Variants in PEX13 observed in about 807,000 individuals in gnomAD.
PEX13 encodes peroxisomal biogenesis factor 13.
PEX13 carries 28 observed loss-of-function variants against 34.5 expected under a neutral mutation model. That is an observed-to-expected ratio of 0.81 (90% confidence interval 0.60 to 1.11). The LOEUF is 1.11. PEX13 is among the 50% of genes most tolerant of loss of function. PEX13 has a pLI of 0.00. For missense variants in PEX13, 550 were observed against 491.0 expected (o/e 1.12, Z -1.13); for synonymous variants, 177 against 175.1 (o/e 1.01, Z -0.09).
intron 3 of PEX13, 60 bp downstream of exon 3, chr2:61,045,911 T>G (rs924740470): frequency 2.8e-5 from 37 of 1,328,692 alleles, no homozygotes; most frequent in Non-Finnish European, 3.8e-5. Context: ...AAATGCAGTA[T>G]TAAAAACTAC....
chr2:61,023,188 A>G (rs1680292679), intron 1 of PEX13, among the ~76,000 whole-genome samples: 2 of 152,024 alleles, frequency 1.3e-5, no homozygotes, highest in South Asian at 2.1e-4. Context: ...TATTTTTAGT[A>G]GAGATGGAGT....
In PEX13 at chr2:61,051,986, C is replaced by G. The variant is rs780132052; in HGVS notation, c.*3216C>G. The stretch of plus-strand genomic sequence containing the variant: ...ACTGGAGAAATAAAAATATGTTAAA[C>G]TTGATTGACTTTTTAAGATAAATTG... On this transcript the variant is annotated 3_prime_UTR_variant, in exon 4 of 4. Transcript: ENST00000295030. 1.3e-5 allele frequency: 2 copies of G among 152,208 alleles called. No homozygotes were observed. Among genetic ancestry groups the G allele is most frequent in the Non-Finnish European group, 2.9e-5 (2 of 68,018 alleles). The allele number at this position is 152,208 out of a possible 1,614,324, so 9.4% of individuals were successfully genotyped here.
rs1360668436 is a variant in PEX13, at chr2:61,050,559, T to C, written c.*1789T>C. 1 of 152,340 alleles carries C rather than the reference T, an allele frequency of 6.6e-6. No individual in the cohort carries two copies. Among genetic ancestry groups the C allele is most frequent in the African/African-American group, 2.4e-5 (1 of 41,458 alleles). 9.4% of individuals were successfully genotyped at this position (152,340 alleles called of 1,614,324 possible). On this transcript the variant is annotated 3_prime_UTR_variant, in exon 4 of 4. Coordinates refer to ENST00000295030, the MANE Select transcript of PEX13 (RefSeq NM_002618.4). ...TATCAGGAATACAGGTGTATAAGAA[T>C]ACATTTATAGATATTGTTGAAAACT...
intron 1 of PEX13, among the ~76,000 whole-genome samples, chr2:61,019,382 C>T (rs1024980047): frequency 3.3e-5 from 5 of 151,834 alleles, no homozygotes; most frequent in Non-Finnish European, 5.9e-5. Flanking sequence ...TGTGTGGCTT[C>T]TCCTCTTTAT....
Position 61,048,653 on chromosome 2 carries a change from G to A in PEX13, c.1095G>A (p.Thr365=), listed in dbSNP as rs754460647. The A allele has an allele frequency of 1.1e-5, 18 of 1,613,800 alleles. 1 individual carries two copies. The Admixed American group carries it at 2.3e-4, about 21-fold the overall frequency. ...FTNPTLTKGA[T]VADSLDEQEA... is the part of the protein sequence containing the mutation. The stretch of plus-strand genomic sequence containing the variant: ...ACCCAACACTAACTAAAGGAGCCAC[G>A]GTTGCTGATTCTTTGGATGAACAGG... The change falls in exon 4 of 4, where the codon ACG becomes ACA. Residue 365 remains threonine, a synonymous_variant. Transcript: ENST00000295030.
At chr2:61,040,774 T>TAC (rs1326777964) in intron 2 of PEX13, among the ~76,000 whole-genome samples, 6 of 147,992 alleles carry the variant, frequency 4.1e-5, no homozygotes, top group African/African-American at 1.5e-4. Flanking sequence ...TATATATATA[T>TAC]ACCTATATAT....
At chr2:61,018,337 G>A (rs1191653097) in intron 1 of PEX13, 2 of 1,520,954 alleles carry the variant, frequency 1.3e-6, no homozygotes, top group Admixed American at 2.1e-5. Flanking sequence ...CGTACACTTT[G>A]CATTCTTTTC....
At chr2:61,028,844 A>T (rs1467572643) in intron 1 of PEX13, among the ~76,000 whole-genome samples, 1 of 152,352 alleles carries the variant, frequency 6.6e-6, no homozygotes, top group Admixed American at 6.5e-5. Flanking sequence ...AAAAATTTTT[A>T]AAGATATTTT....
Position 61,017,765 on chromosome 2 carries a change from G to A in PEX13, c.6G>A (p.Ala2=), listed in dbSNP as rs573461186. The change falls in exon 1 of 4, where the codon GCG becomes GCA. Residue 2 remains alanine, a synonymous_variant. Coordinates refer to ENST00000295030, the MANE Select transcript of PEX13 (RefSeq NM_002618.4). ...GCCGAGAGGAGGCGGAGGAGATGGC[G>A]TCCCAGCCGCCACCTCCCCCCAAAC... M[A]SQPPPPPKPW... 3 of 1,549,518 alleles carry A rather than the reference G, an allele frequency of 1.9e-6. No individual in the cohort carries two copies. The highest frequency in any genetic ancestry group is 2.4e-5 in the South Asian group (2 of 83,904).
intron 2 of PEX13, 125 bp from the exon 3 acceptor site, chr2:61,045,601 G>C: frequency 1.4e-6 from 1 of 738,400 alleles, no homozygotes; most frequent in Non-Finnish European, 2.4e-6. Flanking sequence ...ATTCATTATA[G>C]TTTTTACTTG....
At chr2:61,040,812 G>A (rs1389683777) in intron 2 of PEX13, among the ~76,000 whole-genome samples, 3 of 146,412 alleles carry the variant, frequency 2.0e-5, no homozygotes, top group Non-Finnish European at 3.0e-5. Flanking sequence ...AAGTATATAT[G>A]TATATATATA....
intron 2 of PEX13, among the ~76,000 whole-genome samples, chr2:61,034,335 C>T (rs1042242480): frequency 6.6e-6 from 1 of 152,176 alleles, no homozygotes. Flanking sequence ...TGCGGGCAGT[C>T]GCTTCCAAGA....
intron 3 of PEX13, among the ~76,000 whole-genome samples, chr2:61,046,515 G>T (rs927764160): frequency 2.6e-5 from 4 of 152,092 alleles, no homozygotes; most frequent in African/African-American, 9.7e-5. Flanking sequence ...GTTGATAAAG[G>T]TACTAATAAC....
chr2:61,045,893 A>T (rs1661809863), intron 3 of PEX13, 42 bp downstream of exon 3: 1 of 1,477,114 alleles, frequency 6.8e-7, no homozygotes, highest in Non-Finnish European at 9.5e-7. Context: ...GTAAATTTTG[A>T]TATTCATAAA....
intron 3 of PEX13, among the ~76,000 whole-genome samples, chr2:61,048,007 A>G (rs181000316): frequency 6.6e-6 from 1 of 152,308 alleles, no homozygotes; most frequent in African/African-American, 2.4e-5. Flanking sequence ...AGGATTGTTT[A>G]TTACAATCAC....
At chr2:61,028,576 G>A (rs1007840530) in intron 1 of PEX13, among the ~76,000 whole-genome samples, 7 of 151,682 alleles carry the variant, frequency 4.6e-5, no homozygotes, top group South Asian at 2.1e-4. Context: ...TAGTAGAGAC[G>A]GGGTTTCACC....
At chr2:61,039,042 G>A (rs925923472) in intron 2 of PEX13, among the ~76,000 whole-genome samples, 6 of 152,188 alleles carry the variant, frequency 3.9e-5, no homozygotes, top group African/African-American at 1.4e-4. Context: ...TACAAGGGAT[G>A]TGAAGGACCT....
chr2:61,035,502 G>T (rs902463155), intron 2 of PEX13, among the ~76,000 whole-genome samples: 2 of 152,146 alleles, frequency 1.3e-5, no homozygotes, highest in Admixed American at 6.5e-5. Context: ...GGCTTCCAAA[G>T]GTTGGTAATA....
chr2:61,020,852 A>C (rs1303669868), intron 1 of PEX13, among the ~76,000 whole-genome samples: 1 of 152,020 alleles, frequency 6.6e-6, no homozygotes, highest in African/African-American at 2.4e-5. Context: ...ATGGGGTTTC[A>C]CTATGTTGGC....
Sources: allele counts gnomAD v4.1 joint callset (sites outside exome capture counted in the v4.1 genomes callset), GRCh38; gene constraint gnomAD v4.1.1; transcripts MANE v1.5; gene names NCBI Gene and HGNC (gene_info 2026-07-23, HGNC 2026-07-21).